Variants in KCNH7 observed in about 807,000 individuals in gnomAD.
The protein encoded by KCNH7 is potassium voltage-gated channel subfamily H member 7, also known as voltage-gated inwardly rectifying potassium channel KCNH7.
KCNH7 carries 49 observed loss-of-function variants against 120.8 expected under a neutral mutation model. That is an observed-to-expected ratio of 0.41 (90% CI 0.32 to 0.51). KCNH7 has a LOEUF of 0.51. KCNH7 is among the 20% of genes least tolerant of loss of function. The pLI, the probability that KCNH7 is intolerant of heterozygous loss-of-function variation, is 0.38. For synonymous variants in KCNH7, 547 were observed against 516.1 expected, an observed-to-expected ratio of 1.06 and a Z score of -0.81; for missense variants, 1,097 against 1,446.6, an observed-to-expected ratio of 0.76 and a Z score of 3.92.
intron 6 of KCNH7, among the ~76,000 whole-genome samples, chr2:162,455,619 G>A (rs1416200233): frequency 6.6e-6 from 1 of 152,062 alleles, no homozygotes; most frequent in Non-Finnish European, 1.5e-5. Flanking sequence ...TTCAGAACTT[G>A]TTATCAGTTT....
intron 9 of KCNH7, among the ~76,000 whole-genome samples, chr2:162,418,581 C>G (rs1687605594): frequency 6.6e-6 from 1 of 152,092 alleles, no homozygotes; most frequent in South Asian, 2.1e-4. Context: ...TATCAAAACA[C>G]TCCACAATCT....
intron 2 of KCNH7, among the ~76,000 whole-genome samples, chr2:162,654,183 G>GGA (rs1684665203): frequency 6.8e-6 from 1 of 147,512 alleles, no homozygotes; most frequent in South Asian, 2.1e-4. Flanking sequence ...ACATAACAAA[G>GGA]GAAACAATCA....
At chr2:162,443,699 C>T (rs954633690) in intron 7 of KCNH7, among the ~76,000 whole-genome samples, 4 of 152,172 alleles carry the variant, frequency 2.6e-5, no homozygotes, top group African/African-American at 7.2e-5. Flanking sequence ...CCTGACTCTC[C>T]AGTCTGCAGA....
chr2:162,558,918 T>G (rs556331995), intron 2 of KCNH7, among the ~76,000 whole-genome samples: 14 of 150,990 alleles, frequency 9.3e-5, no homozygotes, highest in African/African-American at 2.2e-4. Context: ...AGCCGGGCGT[T>G]GTGGCAGGCG....
chr2:162,808,845 G>T (rs1684637367), intron 2 of KCNH7, among the ~76,000 whole-genome samples: 1 of 152,044 alleles, frequency 6.6e-6, no homozygotes, highest in Non-Finnish European at 1.5e-5. Context: ...GAAAACAAAA[G>T]GGAGAAGGGT....
intron 6 of KCNH7, among the ~76,000 whole-genome samples, chr2:162,495,192 TGACTG>T (rs1473489928): frequency 6.6e-6 from 1 of 152,186 alleles, no homozygotes; most frequent in African/African-American, 2.4e-5. Flanking sequence ...ACCAAGGCTT[TGACTG>T]GAAGGATGTG....
At chr2:162,430,821 A>G (rs1688039387) in intron 8 of KCNH7, among the ~76,000 whole-genome samples, 1 of 151,900 alleles carries the variant, frequency 6.6e-6, no homozygotes, top group African/African-American at 2.4e-5. Flanking sequence ...GAAATGGAAT[A>G]CATTTGCCTT....
At chr2:162,730,261 C>T (rs975776179) in intron 2 of KCNH7, among the ~76,000 whole-genome samples, 1 of 150,458 alleles carries the variant, frequency 6.6e-6, no homozygotes, top group Non-Finnish European at 1.5e-5. Context: ...ATTGAAAATG[C>T]TTATGATTGA....
In KCNH7 at chr2:162,582,922, A is replaced by C. The variant is rs539929203; in HGVS notation, c.308-45842T>G. Among the ~76,000 whole-genome samples, 3 of 152,202 alleles carry C rather than the reference A, an allele frequency of 2.0e-5. No homozygotes were observed. In the South Asian group the frequency reaches 6.2e-4, roughly 32 times the overall value. ...GAAAGTAAAATCAGAAACAAATGAG[A>C]GTTTGATATAATTGCTTGCTCATAA... On this transcript the variant is annotated intron_variant, in intron 2 of 15. Transcript: ENST00000332142.
At chr2:162,754,718 G>C (rs1329453159) in intron 2 of KCNH7, among the ~76,000 whole-genome samples, 1 of 152,138 alleles carries the variant, frequency 6.6e-6, no homozygotes, top group Non-Finnish European at 1.5e-5. Flanking sequence ...TAGAAAAGGA[G>C]ATGGAGAAAA....
At chr2:162,631,815 G>A (rs1683777525) in intron 2 of KCNH7, among the ~76,000 whole-genome samples, 1 of 151,996 alleles carries the variant, frequency 6.6e-6, no homozygotes, top group South Asian at 2.1e-4. Context: ...TAAGAAGAAT[G>A]TAAATGTAGT....
intron 5 of KCNH7, among the ~76,000 whole-genome samples, chr2:162,511,392 T>C (rs973194265): frequency 6.6e-6 from 1 of 151,034 alleles, no homozygotes; most frequent in African/African-American, 2.4e-5. Flanking sequence ...TCCTGCTTCT[T>C]GAGGTTACAT....
chr2:162,570,537 G>A (rs1253361658), intron 2 of KCNH7, among the ~76,000 whole-genome samples: 2 of 151,932 alleles, frequency 1.3e-5, no homozygotes, highest in African/African-American at 4.8e-5. Flanking sequence ...TATATTTAAA[G>A]TTAATATTGT....
chr2:162,712,752 G>A (rs888157691), intron 2 of KCNH7, among the ~76,000 whole-genome samples: 2 of 152,108 alleles, frequency 1.3e-5, no homozygotes, highest in African/African-American at 4.8e-5. Context: ...TCATTTAGAT[G>A]ACCATTTAAA....
At chr2:162,623,801 C>T (rs550302989) in intron 2 of KCNH7, among the ~76,000 whole-genome samples, 63 of 152,268 alleles carry the variant, frequency 4.1e-4, no homozygotes, top group African/African-American at 1.5e-3. Context: ...TATATCTTAG[C>T]TAATATCATT....
chr2:162,836,902 T>C, intron 1 of KCNH7, 135 bp from the exon 2 acceptor site: 1 of 580,998 alleles, frequency 1.7e-6, no homozygotes, highest in Non-Finnish European at 3.0e-6. Context: ...CCAGCCCTTA[T>C]GAAAAAAGAA....
At chr2:162,715,262 AT>A (rs1305619026) in intron 2 of KCNH7, among the ~76,000 whole-genome samples, 1 of 152,146 alleles carries the variant, frequency 6.6e-6, no homozygotes, top group Non-Finnish European at 1.5e-5. Context: ...GGCATTTCAC[AT>A]GGCAAAAGCA....
intron 2 of KCNH7, among the ~76,000 whole-genome samples, chr2:162,831,741 A>T (rs188062466): frequency 4.2e-4 from 64 of 152,338 alleles, no homozygotes; most frequent in Non-Finnish European, 8.1e-4. Context: ...TGTTAAACTT[A>T]TCCTGTTCAT....
chr2:162,426,384 A>G (rs928156420), intron 8 of KCNH7, among the ~76,000 whole-genome samples: 1 of 152,152 alleles, frequency 6.6e-6, no homozygotes, highest in East Asian at 1.9e-4. Context: ...TGTTCTGTAC[A>G]TATTATTTAG....
Sources: gnomAD v4.1 joint callset for allele counts (sites outside exome capture counted in the v4.1 genomes callset) on GRCh38, gnomAD v4.1.1 for gene constraint, MANE v1.5 for transcripts, NCBI Gene and HGNC (gene_info 2026-07-23, HGNC 2026-07-21) for gene names.